LRP1B: variants seen among roughly 807,000 people sequenced by gnomAD.
LRP1B encodes LDL receptor related protein 1B.
Under a neutral mutation model 556.6 loss-of-function variants are expected in LRP1B, and 217 were observed. The observed-to-expected ratio is 0.39, with a 90% CI of 0.35 to 0.44. LRP1B has a LOEUF of 0.44. LRP1B is among the 20% of genes least tolerant of loss of function. The probability of loss-of-function intolerance (pLI) is 1.00; values close to 1 mark genes in which losing one functional copy is unlikely to be tolerated. For missense variants in LRP1B, 5,053 were observed against 5,620.8 expected (o/e 0.90, Z 3.23); for synonymous variants, 2,047 against 1,865.8 (o/e 1.10, Z -2.50).
chr2:141,375,512 G>T (rs1689394735), intron 3 of LRP1B, among the ~76,000 whole-genome samples: 1 of 152,036 alleles, frequency 6.6e-6, no homozygotes, highest in Admixed American at 6.6e-5. Flanking sequence ...GGTTTTGCTG[G>T]TATCTGTGAT....
intron 2 of LRP1B, among the ~76,000 whole-genome samples, chr2:141,525,628 A>T (rs1684671334): frequency 6.6e-6 from 1 of 152,058 alleles, no homozygotes; most frequent in African/African-American, 2.4e-5. Flanking sequence ...ATATGTAAGA[A>T]CAATTACACT....
chr2:142,052,932 T>G (rs532134413), intron 1 of LRP1B, among the ~76,000 whole-genome samples: 11 of 152,180 alleles, frequency 7.2e-5, no homozygotes, highest in Non-Finnish European at 1.6e-4. Context: ...CCATCTGCTT[T>G]GTCGGCATGA....
chr2:141,191,883 G>T (rs1330044492), intron 6 of LRP1B, among the ~76,000 whole-genome samples: 1 of 151,826 alleles, frequency 6.6e-6, no homozygotes, highest in African/African-American at 2.4e-5. Context: ...TCCATTCAAT[G>T]ACCCATCCCT....
At chr2:141,687,079 A>T (rs1236519839) in intron 2 of LRP1B, among the ~76,000 whole-genome samples, 1 of 152,062 alleles carries the variant, frequency 6.6e-6, no homozygotes, top group African/African-American at 2.4e-5. Flanking sequence ...AAAGATAAGA[A>T]GTGTAATTCT....
At chr2:141,414,794 GT>G (rs1691023408) in intron 3 of LRP1B, among the ~76,000 whole-genome samples, 1 of 152,140 alleles carries the variant, frequency 6.6e-6, no homozygotes. Flanking sequence ...TCTTGTCGTT[GT>G]TGTAGTTTAT....
intron 3 of LRP1B, among the ~76,000 whole-genome samples, chr2:141,329,925 G>A (rs1053718657): frequency 6.6e-5 from 10 of 151,792 alleles, no homozygotes; most frequent in African/African-American, 2.2e-4. Flanking sequence ...CCTACTCTAC[G>A]CTCAACGCAT....
At chr2:141,173,488 C>A (rs111770385) in intron 7 of LRP1B, among the ~76,000 whole-genome samples, 2 of 152,062 alleles carry the variant, frequency 1.3e-5, no homozygotes, top group Non-Finnish European at 2.9e-5. Flanking sequence ...TTAATCCAAC[C>A]CATGCTACAC....
intron 1 of LRP1B, among the ~76,000 whole-genome samples, chr2:141,872,185 C>T (rs1698611868): frequency 6.6e-6 from 1 of 151,900 alleles, no homozygotes. Context: ...AGAGGTATCC[C>T]TGACAGTCAC....
At chr2:141,359,340 T>TA (rs1341213472) in intron 3 of LRP1B, among the ~76,000 whole-genome samples, 1 of 150,402 alleles carries the variant, frequency 6.6e-6, no homozygotes, top group Non-Finnish European at 1.5e-5. Context: ...AAGTTTTATT[T>TA]AAAAAATAGG....
intron 3 of LRP1B, among the ~76,000 whole-genome samples, chr2:141,346,092 G>A (rs1285213108): frequency 6.6e-6 from 1 of 151,640 alleles, no homozygotes; most frequent in Admixed American, 6.6e-5. Context: ...TAAAATAATA[G>A]TTTTTTTAAG....
intron 2 of LRP1B, among the ~76,000 whole-genome samples, chr2:141,611,765 G>A (rs768788547): frequency 1.3e-5 from 2 of 152,132 alleles, no homozygotes; most frequent in East Asian, 1.9e-4. Flanking sequence ...GCAAGAGAGC[G>A]TTCTGGGAAA....
intron 1 of LRP1B, among the ~76,000 whole-genome samples, chr2:141,884,702 C>A (rs1699056548): frequency 6.6e-6 from 1 of 152,188 alleles, no homozygotes; most frequent in African/African-American, 2.4e-5. Context: ...TCTGGAATGT[C>A]ATAGCTAAAA....
intron 18 of LRP1B, among the ~76,000 whole-genome samples, chr2:140,954,057 C>T (rs1695799689): frequency 6.6e-6 from 1 of 152,124 alleles, no homozygotes; most frequent in African/African-American, 2.4e-5. Flanking sequence ...TTGTGTTTAT[C>T]AGAAATGTGT....
At chr2:142,044,169 C>G (rs1704171771) in intron 1 of LRP1B, among the ~76,000 whole-genome samples, 2 of 151,476 alleles carry the variant, frequency 1.3e-5, no homozygotes, top group Non-Finnish European at 3.0e-5. Context: ...ATGAGTAATC[C>G]TTTTTTGCTG....
At position 140,415,992 on chromosome 2, in the gene LRP1B, T is replaced by C. The variant is rs76401714; in HGVS notation, c.10414+26512A>G. Among the ~76,000 whole-genome samples the C allele has an allele frequency of 2.6e-3, 394 of 152,314 alleles. 2 individuals carry two copies. Among genetic ancestry groups the C allele is most frequent in the African/African-American group, 9.0e-3 (373 of 41,564 alleles). On this transcript the variant is annotated intron_variant, in intron 66 of 90. Coordinates refer to ENST00000389484, the MANE Select transcript of LRP1B (RefSeq NM_018557.3). ...TTGCATCAAGGCTGAATTGGTCTCC[T>C]AGTGCAGGGGTCCCCAACCCCTGGG... is the stretch of plus-strand genomic sequence containing the variant.
At chr2:142,063,813 G>C (rs546367937) in intron 1 of LRP1B, among the ~76,000 whole-genome samples, 1 of 151,418 alleles carries the variant, frequency 6.6e-6, no homozygotes, top group Non-Finnish European at 1.5e-5. Context: ...AGTAGAAATC[G>C]TCATACGAAA....
intron 55 of LRP1B, among the ~76,000 whole-genome samples, chr2:140,497,546 AG>A (rs1688998612): frequency 6.6e-6 from 1 of 151,924 alleles, no homozygotes; most frequent in Non-Finnish European, 1.5e-5. Flanking sequence ...GAAATTTGAC[AG>A]GGTAGTAATC....
chr2:141,245,486 C>A (rs300360), intron 5 of LRP1B, among the ~76,000 whole-genome samples: 151,445 of 152,266 alleles, frequency 0.99, 75,325 homozygotes, highest in Middle Eastern at 1. Flanking sequence ...ACCACTTTCT[C>A]ATAAGGGAGG....
At chr2:141,601,079 A>G (rs1308718604) in intron 2 of LRP1B, among the ~76,000 whole-genome samples, 1 of 152,148 alleles carries the variant, frequency 6.6e-6, no homozygotes, top group African/African-American at 2.4e-5. Context: ...TTTATTTCCA[A>G]AGTACTACAA....
Sources: gnomAD v4.1 joint callset for allele counts (sites outside exome capture counted in the v4.1 genomes callset) on GRCh38, gnomAD v4.1.1 for gene constraint, MANE v1.5 for transcripts, NCBI Gene and HGNC (gene_info 2026-07-23, HGNC 2026-07-21) for gene names.